Variants in RASAL2 observed in about 807,000 individuals in gnomAD.
The protein encoded by RASAL2 is ras GTPase-activating protein nGAP.
RASAL2 carries 58 observed loss-of-function variants against 128.9 expected under a neutral mutation model. That is an observed-to-expected ratio of 0.45 (90% CI 0.36 to 0.56). The LOEUF (loss-of-function observed/expected upper bound fraction) is 0.56, where lower values mean the gene tolerates loss of function less well. RASAL2 is among the 20% of genes least tolerant of loss of function. The probability of loss-of-function intolerance (pLI) is 0.00; values close to 1 mark genes in which losing one functional copy is unlikely to be tolerated. For missense variants in RASAL2, 1,360 were observed against 1,601.6 expected, an observed-to-expected ratio of 0.85 and a Z score of 2.57; for synonymous variants, 561 against 580.8, an observed-to-expected ratio of 0.97 and a Z score of 0.49.
chr1:178,366,576 A>ACCT (rs1671408409), intron 3 of RASAL2, among the ~76,000 whole-genome samples: 2 of 76,296 alleles, frequency 2.6e-5, no homozygotes, highest in Non-Finnish European at 4.9e-5. Flanking sequence ...ATTACTTGGT[A>ACCT]CCTCCCACCC....
chr1:178,299,841 C>T, intron 2 of RASAL2, 151 bp from the exon 3 acceptor site: 2 of 725,836 alleles, frequency 2.8e-6, no homozygotes, highest in South Asian at 4.4e-5. Context: ...GTTGGTAATA[C>T]CTTACCATTG....
intron 1 of RASAL2, among the ~76,000 whole-genome samples, chr1:178,120,218 G>A (rs1302283881): frequency 6.6e-6 from 1 of 152,236 alleles, no homozygotes; most frequent in South Asian, 2.1e-4. Flanking sequence ...CTTGGAGAAT[G>A]TGAATCACCT....
At chr1:178,158,277 T>G (rs534097487) in intron 1 of RASAL2, among the ~76,000 whole-genome samples, 30 of 152,374 alleles carry the variant, frequency 2.0e-4, no homozygotes, top group Non-Finnish European at 2.9e-4. Context: ...TAGATCAACT[T>G]GGGTTCAAAA....
chr1:178,374,123 C>G lies in RASAL2; in HGVS notation c.458-15977C>G, dbSNP rs181576513. On this transcript the variant is annotated intron_variant, in intron 3 of 17. Transcript: ENST00000367649. ...TTTTAGGATTGAAGCTCTCTCCTGA[C>G]CATAGGCAGCAAACACCTCCATCTG... 3.5e-4 allele frequency among the ~76,000 whole-genome samples: 54 copies of G among 152,216 alleles called. 1 individual carries two copies. The highest frequency in any genetic ancestry group is 1.0e-3 in the South Asian group (5 of 4,820).
intron 1 of RASAL2, among the ~76,000 whole-genome samples, chr1:178,178,083 CATT>C (rs1661955027): frequency 6.6e-6 from 1 of 151,952 alleles, no homozygotes; most frequent in South Asian, 2.1e-4. Flanking sequence ...AGACTTGTGT[CATT>C]AATAAAAATG....
chr1:178,433,901 G>C (rs1182362323), intron 5 of RASAL2, among the ~76,000 whole-genome samples: 1 of 151,262 alleles, frequency 6.6e-6, no homozygotes, highest in Non-Finnish European at 1.5e-5. Flanking sequence ...TGGGCAACAA[G>C]AGAGAAACTA....
chr1:178,110,010 A>G lies in RASAL2; in HGVS notation c.202+15316A>G, dbSNP rs150968043. On this transcript the variant is annotated intron_variant, in intron 1 of 17. Coordinates refer to ENST00000367649, the MANE Select transcript of RASAL2 (RefSeq NM_170692.4). ...TTCAGCCTGAGCTACAGAGTGAGAC[A>G]CCATCTCTAAAGCAAACAAACGAAA... 2.3e-3 allele frequency among the ~76,000 whole-genome samples: 353 copies of G among 152,294 alleles called. 3 individuals carry two copies. The highest frequency in any genetic ancestry group is 8.1e-3 in the African/African-American group (336 of 41,562).
intron 1 of RASAL2, among the ~76,000 whole-genome samples, chr1:178,139,593 A>G (rs1198882745): frequency 6.6e-6 from 1 of 152,100 alleles, no homozygotes; most frequent in African/African-American, 2.4e-5. Context: ...CAAGAGTCGG[A>G]AAGTTACCTA....
chr1:178,306,167 G>A (rs567781185), intron 3 of RASAL2, among the ~76,000 whole-genome samples: 13 of 152,202 alleles, frequency 8.5e-5, no homozygotes, highest in East Asian at 1.9e-4. Context: ...TTGTTCTTGC[G>A]ATAGTTTACT....
At chr1:178,133,338 T>A (rs1163958274) in intron 1 of RASAL2, among the ~76,000 whole-genome samples, 1 of 152,216 alleles carries the variant, frequency 6.6e-6, no homozygotes, top group African/African-American at 2.4e-5. Context: ...CTTTCCATGA[T>A]CACTTTGGTG....
At chr1:178,358,540 C>T (rs1670942971) in intron 3 of RASAL2, among the ~76,000 whole-genome samples, 3 of 152,084 alleles carry the variant, frequency 2.0e-5, no homozygotes, top group African/African-American at 4.8e-5. Flanking sequence ...AAAAGCATAA[C>T]ATATATACCC....
At chr1:178,381,875 C>T (rs1027748811) in intron 3 of RASAL2, among the ~76,000 whole-genome samples, 2 of 152,018 alleles carry the variant, frequency 1.3e-5, no homozygotes, top group Non-Finnish European at 2.9e-5. Context: ...GTGTTAGGCC[C>T]TATCTGTAGA....
intron 2 of RASAL2, among the ~76,000 whole-genome samples, chr1:178,285,790 CT>C (rs1271133779): frequency 2.6e-5 from 4 of 152,170 alleles, no homozygotes; most frequent in African/African-American, 9.7e-5. Context: ...CATTTGCCAT[CT>C]TTTTGCCCTT....
chr1:178,253,314 T>C (rs1665142663), intron 1 of RASAL2, among the ~76,000 whole-genome samples: 1 of 152,214 alleles, frequency 6.6e-6, no homozygotes. Context: ...GACTTTACCT[T>C]AACTTAATTA....
At chr1:178,201,517 T>G (rs780761758) in intron 1 of RASAL2, among the ~76,000 whole-genome samples, 1 of 152,216 alleles carries the variant, frequency 6.6e-6, no homozygotes, top group Non-Finnish European at 1.5e-5. Flanking sequence ...CCATAGGGAT[T>G]GCTTTTCTCT....
At chr1:178,472,078 T>C (rs1326479746) in intron 17 of RASAL2, among the ~76,000 whole-genome samples, 2 of 152,232 alleles carry the variant, frequency 1.3e-5, no homozygotes, top group African/African-American at 4.8e-5. Flanking sequence ...GACTTCATGT[T>C]AGAAAGGTTC....
chr1:178,358,009 G>A (rs902325735), intron 3 of RASAL2, among the ~76,000 whole-genome samples: 46 of 152,004 alleles, frequency 3.0e-4, no homozygotes, highest in African/African-American at 1.1e-3. Context: ...GCTAAGGAAG[G>A]CGGATCACTG....
intron 9 of RASAL2, among the ~76,000 whole-genome samples, chr1:178,446,211 A>G (rs1359422485): frequency 6.6e-6 from 1 of 152,168 alleles, no homozygotes; most frequent in Non-Finnish European, 1.5e-5. Flanking sequence ...TTGAGGCATT[A>G]ACCGCTAGAG....
chr1:178,344,166 T>C (rs1670029611), intron 3 of RASAL2, among the ~76,000 whole-genome samples: 1 of 152,144 alleles, frequency 6.6e-6, no homozygotes, highest in African/African-American at 2.4e-5. Flanking sequence ...TATATAAATA[T>C]TGTTTATATA....
Sources: allele counts gnomAD v4.1 joint callset (sites outside exome capture counted in the v4.1 genomes callset), GRCh38; gene constraint gnomAD v4.1.1; transcripts MANE v1.5; gene names NCBI Gene and HGNC (gene_info 2026-07-23, HGNC 2026-07-21).